ZFAT: variants seen among roughly 807,000 people sequenced by gnomAD.
ZFAT encodes the protein zinc finger and AT-hook domain containing, also known as zinc finger protein ZFAT.
A neutral mutation model predicts 117.7 loss-of-function variants in ZFAT; 64 were observed. The ratio of observed to expected loss-of-function variants is 0.54; its 90% CI spans 0.44 to 0.67. The LOEUF (loss-of-function observed/expected upper bound fraction) is 0.67. ZFAT is among the 30% of genes least tolerant of loss of function. The pLI is 0.00. For missense variants in ZFAT, 1,433 were observed against 1,584.5 expected (o/e 0.90, Z 1.62); for synonymous variants, 679 against 615.0 (o/e 1.10, Z -1.54).
At chr8:134,734,445 A>G in the ZFAT span, among the ~76,000 whole-genome samples, 2 of 152,344 alleles carry the variant, frequency 1.3e-5, no homozygotes, top group East Asian at 1.9e-4. Flanking sequence ...CAGCTCACAT[A>G]TATCACACAG....
chr8:134,499,317 G>A (rs558946509), intron 15 of ZFAT, among the ~76,000 whole-genome samples: 119 of 141,056 alleles, frequency 8.4e-4, no homozygotes, highest in African/African-American at 3.1e-3. Flanking sequence ...GCCTGATTTG[G>A]TAGGGTCGGG....
chr8:134,680,691 T>G (rs1429125332), intron 1 of ZFAT, among the ~76,000 whole-genome samples: 1 of 152,162 alleles, frequency 6.6e-6, no homozygotes. Flanking sequence ...GATAGTTAGT[T>G]ACATAAGATG....
chr8:134,692,894 T>G (rs1833650381), intron 1 of ZFAT, among the ~76,000 whole-genome samples: 1 of 152,198 alleles, frequency 6.6e-6, no homozygotes, highest in Non-Finnish European at 1.5e-5. Context: ...ATATTATGGA[T>G]AGTGAGATCC....
the ZFAT span, among the ~76,000 whole-genome samples, chr8:134,826,346 G>A: frequency 1.3e-5 from 2 of 152,016 alleles, no homozygotes; most frequent in African/African-American, 4.8e-5. Flanking sequence ...TAATCACGAA[G>A]AACAAAACAA....
intron 1 of ZFAT, among the ~76,000 whole-genome samples, chr8:134,662,498 T>C (rs1332373352): frequency 6.6e-6 from 1 of 152,102 alleles, no homozygotes; most frequent in Non-Finnish European, 1.5e-5. Flanking sequence ...AAAGTGAGAT[T>C]TCCCTAACAT....
the ZFAT span, among the ~76,000 whole-genome samples, chr8:134,814,737 A>G: frequency 6.6e-6 from 1 of 152,192 alleles, no homozygotes. Context: ...TTGTGTAGCA[A>G]CTGTGTTTAC....
chr8:134,697,773 G>A (rs1378028538), intron 1 of ZFAT, among the ~76,000 whole-genome samples: 3 of 149,308 alleles, frequency 2.0e-5, no homozygotes. Flanking sequence ...AAAAGAAGGG[G>A]TTTCACCATG....
intron 15 of ZFAT, among the ~76,000 whole-genome samples, chr8:134,502,315 T>G (rs900852579): frequency 1.3e-5 from 2 of 152,200 alleles, no homozygotes; most frequent in Non-Finnish European, 1.5e-5. Context: ...AGATGGGCAG[T>G]GAGAAAGGGG....
intron 7 of ZFAT, among the ~76,000 whole-genome samples, chr8:134,596,698 T>C (rs1826966328): frequency 6.6e-6 from 1 of 152,212 alleles, no homozygotes; most frequent in Non-Finnish European, 1.5e-5. Flanking sequence ...TGCAATGGAA[T>C]ATTATTCAGC....
At position 134,610,454 on chromosome 8, in the gene ZFAT, C is replaced by T. The variant is rs371140830; in HGVS notation, c.634+16G>A. On this transcript the variant is annotated intron_variant, in intron 4 of 15. Transcript: ENST00000377838. The stretch of plus-strand genomic sequence containing the variant: ...CCAAGGGTCTTGCCTTTTCCTTTCC[C>T]GCTTGGTGCAGTCACCTGGAATTGC... The T allele has an allele frequency of 4.9e-5, 79 of 1,606,182 alleles. No individual in the cohort carries two copies. In the Middle Eastern group the frequency reaches 1.8e-3, roughly 37 times the overall value.
intron 1 of ZFAT, among the ~76,000 whole-genome samples, chr8:134,695,359 T>A (rs1427704376): frequency 6.6e-6 from 1 of 152,140 alleles, no homozygotes; most frequent in Non-Finnish European, 1.5e-5. Flanking sequence ...ACTCCCCGGC[T>A]GCCAGGCCCA....
At chr8:134,564,430 T>C (rs1824276131) in intron 11 of ZFAT, among the ~76,000 whole-genome samples, 1 of 152,126 alleles carries the variant, frequency 6.6e-6, no homozygotes, top group Non-Finnish European at 1.5e-5. Flanking sequence ...TGCTTCTTTC[T>C]TTGGAATCCC....
At chr8:134,700,522 C>A (rs1028344717) in intron 1 of ZFAT, among the ~76,000 whole-genome samples, 17 of 152,194 alleles carry the variant, frequency 1.1e-4, no homozygotes, top group African/African-American at 3.9e-4. Flanking sequence ...AGCACACTCC[C>A]CTCCCTCCAC....
intron 1 of ZFAT, among the ~76,000 whole-genome samples, chr8:134,661,783 G>A (rs914213218): frequency 2.0e-5 from 3 of 152,178 alleles, no homozygotes; most frequent in African/African-American, 7.2e-5. Flanking sequence ...TGCCCCCAAG[G>A]GAGCAAGGAC....
chr8:134,497,564 C>T (rs1373634408), intron 15 of ZFAT, among the ~76,000 whole-genome samples: 1 of 34,952 alleles, frequency 2.9e-5, no homozygotes, highest in African/African-American at 1.5e-4. Flanking sequence ...GGGGTGGAGC[C>T]GGGATGCCCC....
At chr8:134,550,908 TG>T (rs147202986) in intron 11 of ZFAT, among the ~76,000 whole-genome samples, 13,517 of 152,156 alleles carry the variant, frequency 0.089, 831 homozygotes, top group East Asian at 0.34. Context: ...CTCATTTTCT[TG>T]CAAATTTGGA....
intron 11 of ZFAT, among the ~76,000 whole-genome samples, chr8:134,534,563 AGAGGAG>A (rs1821676564): frequency 6.7e-6 from 1 of 150,090 alleles, no homozygotes; most frequent in Non-Finnish European, 1.5e-5. Flanking sequence ...AGGGAGAAGG[AGAGGAG>A]GAGGAAGAGG....
the ZFAT span, among the ~76,000 whole-genome samples, chr8:134,726,936 C>A: frequency 6.6e-6 from 1 of 152,078 alleles, no homozygotes; most frequent in Non-Finnish European, 1.5e-5. Flanking sequence ...ACTGCCTTTC[C>A]CTGGCACTGG....
the ZFAT span, chr8:134,766,967 A>G: frequency 1.3e-5 from 2 of 152,262 alleles, no homozygotes; most frequent in African/African-American, 4.8e-5. Flanking sequence ...TTGTTACCCC[A>G]GATCAATGAA....
Sources: gnomAD v4.1 joint callset for allele counts (sites outside exome capture counted in the v4.1 genomes callset) on GRCh38, gnomAD v4.1.1 for gene constraint, MANE v1.5 for transcripts, NCBI Gene and HGNC (gene_info 2026-07-23, HGNC 2026-07-21) for gene names.